Variants in CTNNA3 observed in about 807,000 individuals in gnomAD.
The protein encoded by CTNNA3 is catenin alpha-3.
Under a neutral mutation model 95.7 loss-of-function variants are expected in CTNNA3, and 76 were observed. That is an observed-to-expected ratio of 0.79 (90% CI 0.66 to 0.96). The LOEUF is 0.96. CTNNA3 is among the 40% of genes least tolerant of loss of function. The pLI is 0.00. For missense variants in CTNNA3, 1,191 were observed against 1,089.8 expected (o/e 1.09, Z -1.31); for synonymous variants, 431 against 374.4 (o/e 1.15, Z -1.74).
intron 2 of CTNNA3, among the ~76,000 whole-genome samples, chr10:67,624,050 G>C (rs1843940267): frequency 6.6e-6 from 1 of 152,014 alleles, no homozygotes; most frequent in Admixed American, 6.6e-5. Flanking sequence ...TCGAACTCCT[G>C]ACCTCAGGTG....
chr10:66,574,184 G>A (rs56927182), intron 10 of CTNNA3, among the ~76,000 whole-genome samples: 43,861 of 151,840 alleles, frequency 0.29, 6,739 homozygotes, highest in Middle Eastern at 0.42. Flanking sequence ...CAGAAATGCC[G>A]TCATAATAGG....
intron 12 of CTNNA3, among the ~76,000 whole-genome samples, chr10:66,300,696 T>C (rs2091849256): frequency 6.6e-6 from 1 of 151,910 alleles, no homozygotes; most frequent in Admixed American, 6.6e-5. Context: ...CCAGTGCTCT[T>C]TAAAAGTATC....
intron 10 of CTNNA3, among the ~76,000 whole-genome samples, chr10:66,600,714 T>C (rs960066520): frequency 2.0e-5 from 3 of 151,882 alleles, no homozygotes; most frequent in Non-Finnish European, 4.4e-5. Flanking sequence ...AATAAAGTGA[T>C]ACATAAATGT....
At chr10:66,195,756 T>A (rs574461627) in intron 13 of CTNNA3, among the ~76,000 whole-genome samples, 2 of 152,330 alleles carry the variant, frequency 1.3e-5, no homozygotes, top group South Asian at 4.1e-4. Context: ...TCCACTAATT[T>A]TTATTGCATA....
intron 13 of CTNNA3, among the ~76,000 whole-genome samples, chr10:66,142,797 T>G (rs1405384940): frequency 6.6e-6 from 1 of 152,102 alleles, no homozygotes; most frequent in African/African-American, 2.4e-5. Context: ...TCTAATGCTA[T>G]AGGTATTACT....
intron 13 of CTNNA3, among the ~76,000 whole-genome samples, chr10:66,224,738 G>A (rs1415582690): frequency 6.6e-6 from 1 of 152,058 alleles, no homozygotes; most frequent in African/African-American, 2.4e-5. Flanking sequence ...ACCAAACATA[G>A]AAATCTCAGA....
chr10:66,099,286 T>C (rs991391117), intron 14 of CTNNA3, among the ~76,000 whole-genome samples: 1 of 152,182 alleles, frequency 6.6e-6, no homozygotes, highest in Non-Finnish European at 1.5e-5. Flanking sequence ...TCTTATAGTA[T>C]CTTCTCAAAG....
At chr10:66,100,649 A>T (rs963586431) in intron 14 of CTNNA3, among the ~76,000 whole-genome samples, 1 of 152,226 alleles carries the variant, frequency 6.6e-6, no homozygotes, top group African/African-American at 2.4e-5. Flanking sequence ...AGTGGCTTCT[A>T]TGAAAAATTC....
intron 3 of CTNNA3, among the ~76,000 whole-genome samples, chr10:67,568,394 A>G (rs1213822598): frequency 6.6e-6 from 1 of 151,956 alleles, no homozygotes; most frequent in Non-Finnish European, 1.5e-5. Flanking sequence ...AACAAATGGC[A>G]TTATAGAATT....
intron 7 of CTNNA3, among the ~76,000 whole-genome samples, chr10:66,986,594 T>G (rs1850741653): frequency 6.6e-6 from 1 of 152,118 alleles, no homozygotes; most frequent in Non-Finnish European, 1.5e-5. Context: ...ACTCTGTAGT[T>G]TATAGGAGAA....
chr10:67,504,376 C>CCAGGAGGCAG (rs1839359074), intron 5 of CTNNA3, among the ~76,000 whole-genome samples: 2 of 132,992 alleles, frequency 1.5e-5, no homozygotes, highest in Admixed American at 1.7e-4. Context: ...TGGCAAGAAC[C>CCAGGAGGCAG]ACTGCACTGA....
At chr10:66,326,395 C>A (rs958302364) in intron 12 of CTNNA3, among the ~76,000 whole-genome samples, 1 of 152,036 alleles carries the variant, frequency 6.6e-6, no homozygotes, top group Admixed American at 6.5e-5. Context: ...AAATACCTTA[C>A]AATTTGGCCT....
At chr10:67,102,747 T>C (rs931986652) in intron 7 of CTNNA3, among the ~76,000 whole-genome samples, 1 of 151,882 alleles carries the variant, frequency 6.6e-6, no homozygotes, top group Non-Finnish European at 1.5e-5. Context: ...TTTATCTTTT[T>C]TAAATTGATT....
At chr10:67,540,647 C>CATATACATTCAT (rs1371210561) in intron 3 of CTNNA3, among the ~76,000 whole-genome samples, 3 of 151,606 alleles carry the variant, frequency 2.0e-5, no homozygotes, top group Non-Finnish European at 4.4e-5. Flanking sequence ...TGAATATATT[C>CATATACATTCAT]ATATACATTC....
At chr10:67,631,533 T>C (rs1396202263) in intron 2 of CTNNA3, among the ~76,000 whole-genome samples, 2 of 152,162 alleles carry the variant, frequency 1.3e-5, no homozygotes, top group Non-Finnish European at 2.9e-5. Context: ...AACATGAAGA[T>C]AAATCATGAG....
rs759774186 is a variant in CTNNA3 at position 67,180,491 on chromosome 10, T to G, written c.873A>C (p.Val291=). ...GTGATGGTCGTATTTCCTCCTCAGTTACTGTGAGTGGATTCAGGACAATTA... is the reference window on the plus strand; with the variant it reads ...GTGATGGTCGTATTTCCTCCTCAGTGACTGTGAGTGGATTCAGGACAATTA... ...ENLIVLNPLT[V]TEEEIRPSLE... Residue 291 remains valine, a synonymous_variant, in exon 7 of 18, where the codon GTA becomes GTC. Coordinates refer to ENST00000433211, the MANE Select transcript of CTNNA3 (RefSeq NM_013266.4). The G allele has an allele frequency of 6.2e-7, 1 of 1,613,752 alleles. No homozygotes were observed. Among genetic ancestry groups the G allele is most frequent in the Non-Finnish European group, 8.5e-7 (1 of 1,179,764 alleles).
chr10:66,783,925 T>C (rs1840639331), intron 7 of CTNNA3, among the ~76,000 whole-genome samples: 1 of 152,156 alleles, frequency 6.6e-6, no homozygotes, highest in Non-Finnish European at 1.5e-5. Context: ...ACTCAGTATG[T>C]CAAACTTCAG....
intron 10 of CTNNA3, among the ~76,000 whole-genome samples, chr10:66,560,514 A>G (rs957631051): frequency 1.3e-5 from 2 of 152,090 alleles, no homozygotes; most frequent in African/African-American, 4.8e-5. Context: ...TCAAGAGTTC[A>G]CAGCTACACC....
chr10:66,661,084 C>G (rs930410590), intron 9 of CTNNA3, among the ~76,000 whole-genome samples: 6 of 152,080 alleles, frequency 3.9e-5, no homozygotes, highest in Non-Finnish European at 5.9e-5. Context: ...CATAAACCAA[C>G]TGAAATATAT....
Sources: allele counts gnomAD v4.1 joint callset (sites outside exome capture counted in the v4.1 genomes callset), GRCh38; gene constraint gnomAD v4.1.1; transcripts MANE v1.5; gene names NCBI Gene and HGNC (gene_info 2026-07-23, HGNC 2026-07-21).